Variants in KCNQ5 observed in about 807,000 individuals in gnomAD.
KCNQ5 encodes potassium voltage-gated channel subfamily Q member 5.
Under a neutral mutation model 98.2 loss-of-function variants are expected in KCNQ5, and 30 were observed. The observed-to-expected ratio is 0.31, with a 90% CI of 0.23 to 0.41. The LOEUF is 0.41. Ranked by LOEUF, KCNQ5 falls within the 10% of genes least tolerant of loss-of-function variation. The probability of loss-of-function intolerance (pLI) is 1.00; values close to 1 mark genes in which losing one functional copy is unlikely to be tolerated. For synonymous variants in KCNQ5, 458 were observed against 449.4 expected, an observed-to-expected ratio of 1.02 and a Z score of -0.24; for missense variants, 835 against 1,182.5, an observed-to-expected ratio of 0.71 and a Z score of 4.31.
Position 73,194,685 on chromosome 6 carries a change from C to G in KCNQ5, c.2070C>G (p.Phe690Leu). 2 of 1,614,254 alleles carry G rather than the reference C, an allele frequency of 1.2e-6. No individual in the cohort carries two copies. The highest frequency in any genetic ancestry group is 1.7e-6 in the Non-Finnish European group (2 of 1,180,042). The part of the protein sequence containing the change: ...TSANISRGLQ[F>L]ILTPNEFSAQ... The stretch of plus-strand genomic sequence containing the variant: ...CCAACATCTCGAGAGGCCTGCAGTT[C>G]ATTCTGACGCCAAATGAGTTCAGTG... The change falls in exon 14 of 14, where the codon TTC becomes TTG. Residue 690 changes from phenylalanine (F) to leucine (L), a missense_variant. Coordinates refer to ENST00000370398, the MANE Select transcript of KCNQ5 (RefSeq NM_019842.4).
chr6:73,053,710 G>C (rs1161885294), intron 3 of KCNQ5, among the ~76,000 whole-genome samples: 1 of 152,058 alleles, frequency 6.6e-6, no homozygotes, highest in Non-Finnish European at 1.5e-5. Flanking sequence ...AATATTAAGA[G>C]GGAAGTTTAT....
At chr6:72,835,401 ATTTTTCCCT>A (rs1776461826) in intron 1 of KCNQ5, among the ~76,000 whole-genome samples, 1 of 152,094 alleles carries the variant, frequency 6.6e-6, no homozygotes, top group Non-Finnish European at 1.5e-5. Context: ...GGTCGAGGCC[ATTTTTCCCT>A]TTCAGTTTCT....
intron 9 of KCNQ5, among the ~76,000 whole-genome samples, chr6:73,132,725 T>C (rs1488204201): frequency 3.9e-5 from 6 of 152,268 alleles, no homozygotes; most frequent in Admixed American, 2.0e-4. Context: ...ACCTGTTTAC[T>C]AGCAGGAAAT....
chr6:72,968,686 T>G (rs1402662319), intron 1 of KCNQ5, among the ~76,000 whole-genome samples: 1 of 152,234 alleles, frequency 6.6e-6, no homozygotes. Context: ...TAAAACTAAC[T>G]AAAGTTTATT....
intron 1 of KCNQ5, among the ~76,000 whole-genome samples, chr6:72,868,580 A>G (rs534625628): frequency 6.6e-6 from 1 of 152,296 alleles, no homozygotes; most frequent in African/African-American, 2.4e-5. Flanking sequence ...GCCATATTGC[A>G]TTCAGTGAGT....
At chr6:73,143,111 A>C (rs1047599308) in intron 10 of KCNQ5, among the ~76,000 whole-genome samples, 3 of 152,138 alleles carry the variant, frequency 2.0e-5, no homozygotes, top group African/African-American at 4.8e-5. Context: ...TGATACCAAT[A>C]TTTAGTTCAA....
At chr6:72,699,788 A>C (rs189422552) in intron 1 of KCNQ5, among the ~76,000 whole-genome samples, 6 of 152,348 alleles carry the variant, frequency 3.9e-5, no homozygotes, top group Admixed American at 3.3e-4. Flanking sequence ...AGCATAATAC[A>C]GTTCAGACTT....
chr6:72,985,333 GT>G (rs2150303808), intron 1 of KCNQ5, among the ~76,000 whole-genome samples: 1 of 152,312 alleles, frequency 6.6e-6, no homozygotes, highest in African/African-American at 2.4e-5. Context: ...TGGAAGGCAT[GT>G]AACTAACAGC....
chr6:72,807,165 AG>A (rs1774997577), intron 1 of KCNQ5, among the ~76,000 whole-genome samples: 1 of 152,154 alleles, frequency 6.6e-6, no homozygotes, highest in Non-Finnish European at 1.5e-5. Context: ...ATATTGAAAC[AG>A]TGAATTTTGA....
At chr6:72,707,504 T>C (rs186301665) in intron 1 of KCNQ5, among the ~76,000 whole-genome samples, 4 of 152,346 alleles carry the variant, frequency 2.6e-5, no homozygotes, top group Admixed American at 6.5e-5. Flanking sequence ...TATTTGTTAA[T>C]TGAAATGCAT....
At chr6:72,910,482 C>G (rs925215780) in intron 1 of KCNQ5, among the ~76,000 whole-genome samples, 3 of 151,818 alleles carry the variant, frequency 2.0e-5, no homozygotes, top group Non-Finnish European at 4.4e-5. Flanking sequence ...ATTCTTCACC[C>G]GATTAGCCAT....
At chr6:72,918,544 G>A (rs944665262) in intron 1 of KCNQ5, among the ~76,000 whole-genome samples, 8 of 151,896 alleles carry the variant, frequency 5.3e-5, no homozygotes, top group Non-Finnish European at 1.0e-4. Context: ...AAAATTTGGG[G>A]AAAAGTCAGA....
chr6:72,864,292 A>C (rs1777885314), intron 1 of KCNQ5, among the ~76,000 whole-genome samples: 1 of 152,184 alleles, frequency 6.6e-6, no homozygotes, highest in Non-Finnish European at 1.5e-5. Context: ...TTATCATTAA[A>C]GTAATAATGG....
intron 1 of KCNQ5, among the ~76,000 whole-genome samples, chr6:72,923,222 A>T (rs534145027): frequency 3.6e-4 from 55 of 152,204 alleles, no homozygotes; most frequent in African/African-American, 1.3e-3. Context: ...TATCTCTTCC[A>T]CATACTGATT....
intron 1 of KCNQ5, among the ~76,000 whole-genome samples, chr6:72,773,509 G>T (rs1476904932): frequency 6.6e-6 from 1 of 152,000 alleles, no homozygotes; most frequent in African/African-American, 2.4e-5. Flanking sequence ...GTAGATGATG[G>T]GTTGATGGAT....
At chr6:72,966,066 T>C (rs534639313) in intron 1 of KCNQ5, among the ~76,000 whole-genome samples, 2 of 152,268 alleles carry the variant, frequency 1.3e-5, no homozygotes, top group African/African-American at 4.8e-5. Flanking sequence ...TCCACCACCA[T>C]CAGGTCCTGA....
chr6:73,018,737 C>T (rs913756333), intron 2 of KCNQ5, among the ~76,000 whole-genome samples: 1 of 152,064 alleles, frequency 6.6e-6, no homozygotes, highest in Non-Finnish European at 1.5e-5. Context: ...AATCTGCTAC[C>T]TTAAGTTTCC....
intron 1 of KCNQ5, among the ~76,000 whole-genome samples, chr6:72,883,716 C>T (rs1039480622): frequency 2.0e-5 from 3 of 152,118 alleles, no homozygotes; most frequent in African/African-American, 7.2e-5. Context: ...GCCGGAAAAT[C>T]TTATGCTGAA....
At chr6:73,011,218 A>G (rs2150330109) in intron 2 of KCNQ5, among the ~76,000 whole-genome samples, 1 of 152,256 alleles carries the variant, frequency 6.6e-6, no homozygotes, top group African/African-American at 2.4e-5. Flanking sequence ...TTCCTGTAAC[A>G]TTATGAATGT....
Sources: allele counts gnomAD v4.1 joint callset (sites outside exome capture counted in the v4.1 genomes callset), GRCh38; gene constraint gnomAD v4.1.1; transcripts MANE v1.5; gene names NCBI Gene and HGNC (gene_info 2026-07-23, HGNC 2026-07-21).